The following MYO6 variants were observed in gnomAD, a reference collection of about 807,000 sequenced individuals.
MYO6 encodes the protein myosin VI, also known as unconventional myosin-VI.
In MYO6, 74 loss-of-function variants were observed where a neutral mutation model predicts 178.7. That is an observed-to-expected ratio of 0.41 (90% CI 0.34 to 0.50). The LOEUF is 0.50. MYO6 is among the 20% of genes least tolerant of loss of function. The pLI is 0.09. For missense variants in MYO6, 1,330 were observed against 1,547.4 expected (o/e 0.86, Z 2.36); for synonymous variants, 477 against 504.6 (o/e 0.95, Z 0.73).
intron 33 of MYO6, among the ~76,000 whole-genome samples, chr6:75,913,736 T>TTACTGTGAG (rs1780942144): frequency 6.6e-6 from 1 of 151,700 alleles, no homozygotes; most frequent in Admixed American, 6.6e-5. Context: ...TAGTAGTTTG[T>TTACTGTGAG]TTTCCTGCCG....
chr6:75,779,685 C>G (rs1766764650), intron 1 of MYO6, among the ~76,000 whole-genome samples: 1 of 151,908 alleles, frequency 6.6e-6, no homozygotes, highest in African/African-American at 2.4e-5. Flanking sequence ...AATTCTTTTT[C>G]TATGGCTGTT....
At chr6:75,800,703 A>G (rs1205684277) in intron 1 of MYO6, among the ~76,000 whole-genome samples, 1 of 152,094 alleles carries the variant, frequency 6.6e-6, no homozygotes, top group East Asian at 1.9e-4. Flanking sequence ...GAGAGGTATA[A>G]GTTGGAGATA....
At chr6:75,803,498 C>T (rs547440777) in intron 1 of MYO6, among the ~76,000 whole-genome samples, 4 of 152,164 alleles carry the variant, frequency 2.6e-5, no homozygotes, top group African/African-American at 9.6e-5. Context: ...GGTGTCATAG[C>T]TGGAATGGAC....
intron 1 of MYO6, among the ~76,000 whole-genome samples, chr6:75,771,159 G>A (rs1385135237): frequency 6.6e-6 from 1 of 151,828 alleles, no homozygotes; most frequent in African/African-American, 2.4e-5. Context: ...ATGCCACCGC[G>A]CCTGGCTAAT....
intron 16 of MYO6, among the ~76,000 whole-genome samples, chr6:75,863,449 G>T (rs1266997591): frequency 1.3e-5 from 2 of 151,866 alleles, no homozygotes; most frequent in Non-Finnish European, 2.9e-5. Context: ...CAAATGAGAG[G>T]TGCACTCTAA....
intron 18 of MYO6, chr6:75,867,573 A>G (rs965629625): frequency 6.4e-6 from 1 of 157,134 alleles, no homozygotes; most frequent in Non-Finnish European, 1.4e-5. Context: ...CTGCCATGTT[A>G]AAAAGAGCCC....
chr6:75,844,236 C>G (rs1309675794), intron 9 of MYO6, among the ~76,000 whole-genome samples: 1 of 151,980 alleles, frequency 6.6e-6, no homozygotes, highest in African/African-American at 2.4e-5. Context: ...AGTAGATTTT[C>G]TTTTTTTGAA....
chr6:75,826,682 T>G lies in MYO6; in HGVS notation c.188-1858T>G, dbSNP rs574099730. On this transcript the variant is annotated intron_variant, in intron 3 of 34. Coordinates refer to ENST00000369977, the MANE Select transcript of MYO6 (RefSeq NM_004999.4). ...TACCCAAACCAGATATATTAATACC[T>G]CTGCTGCCTAACCCTCTCTATATCC... is the stretch of plus-strand genomic sequence containing the variant. Among the ~76,000 whole-genome samples, 15 of 152,270 alleles carry G rather than the reference T, an allele frequency of 9.9e-5. No individual in the cohort carries two copies. The South Asian group carries it at 3.1e-3, about 32-fold the overall frequency.
chr6:75,826,418 A>G (rs534377791), intron 3 of MYO6, among the ~76,000 whole-genome samples: 3 of 152,306 alleles, frequency 2.0e-5, no homozygotes, highest in South Asian at 4.2e-4. Flanking sequence ...GCAAGTAGTA[A>G]TTCCCATGTC....
intron 1 of MYO6, among the ~76,000 whole-genome samples, chr6:75,801,974 A>G (rs1769509999): frequency 1.3e-5 from 2 of 152,126 alleles, no homozygotes; most frequent in African/African-American, 2.4e-5. Flanking sequence ...ATCTTATAGA[A>G]TATCTGAATA....
At position 75,907,781 on chromosome 6, in the gene MYO6, G is replaced by C; in HGVS notation, c.3280+73G>C. ...GTGATAAATACCTAGATTAGGGTGA[G>C]GTGTGTGTGTGTATGTGTGTGTGTG... On this transcript the variant is annotated intron_variant, in intron 31 of 34. Transcript: ENST00000369977. 5.8e-6 allele frequency: 6 copies of C among 1,035,534 alleles called. No individual in the cohort carries two copies. The South Asian group carries it at 7.8e-5, about 13-fold the overall frequency. The allele number at this position is 1,035,534 out of a possible 1,614,324, so 64.1% of individuals were successfully genotyped here.
At chr6:75,875,392 A>G (rs1777495056) in intron 20 of MYO6, among the ~76,000 whole-genome samples, 1 of 152,084 alleles carries the variant, frequency 6.6e-6, no homozygotes, top group Non-Finnish European at 1.5e-5. Context: ...CTTCTGCTTC[A>G]GCCTCTCAAG....
At chr6:75,850,811 T>C (rs952278910) in intron 11 of MYO6, among the ~76,000 whole-genome samples, 2 of 152,180 alleles carry the variant, frequency 1.3e-5, no homozygotes, top group African/African-American at 2.4e-5. Flanking sequence ...ATGATTTGAG[T>C]ACTTGTGTCT....
rs530425108 is a variant in MYO6, at chr6:75,876,041, T to C, written c.2077+2741T>C. ...CTGACTTTCATTTTCATTCCCTAAA[T>C]GCTGCATATTTCCTCCCAGCACAGG... On this transcript the variant is annotated intron_variant, in intron 20 of 34. Transcript: ENST00000369977. 2.0e-5 allele frequency among the ~76,000 whole-genome samples: 3 copies of C among 152,266 alleles called. No individual in the cohort carries two copies. In the South Asian group the frequency reaches 6.2e-4, roughly 32 times the overall value.
intron 7 of MYO6, among the ~76,000 whole-genome samples, chr6:75,838,414 T>G (rs1433479840): frequency 1.3e-5 from 2 of 152,142 alleles, no homozygotes; most frequent in African/African-American, 4.8e-5. Context: ...CGTCTTTTGA[T>G]CCCATCCTTA....
At chr6:75,763,086 G>C (rs1778093098) in intron 1 of MYO6, among the ~76,000 whole-genome samples, 2 of 151,188 alleles carry the variant, frequency 1.3e-5, no homozygotes, top group Admixed American at 1.3e-4. Flanking sequence ...GAGTGCAGTG[G>C]CATGATCTCG....
At chr6:75,877,519 G>A (rs1409431820) in intron 20 of MYO6, among the ~76,000 whole-genome samples, 2 of 151,906 alleles carry the variant, frequency 1.3e-5, no homozygotes, top group Non-Finnish European at 2.9e-5. Flanking sequence ...TGTTTGCCTC[G>A]GCCTCCTGAA....
At chr6:75,880,643 T>G (rs1028170071) in intron 22 of MYO6, among the ~76,000 whole-genome samples, 1 of 152,232 alleles carries the variant, frequency 6.6e-6, no homozygotes, top group Non-Finnish European at 1.5e-5. Flanking sequence ...AATAGTCTCA[T>G]AGAGAAAGCA....
In MYO6 at chr6:75,908,643, T is replaced by C. The variant is rs774617735; in HGVS notation, c.3412+16T>C. ...ACTGATTATGGTAAAGAGAAATCTGTACTTTTGAACGTTTTAAAATATATG... is the reference window on the plus strand; with the variant it reads ...ACTGATTATGGTAAAGAGAAATCTGCACTTTTGAACGTTTTAAAATATATG... On this transcript the variant is annotated intron_variant, in intron 32 of 34. Transcript: ENST00000369977. 6.2e-7 allele frequency: 1 copy of C among 1,612,656 alleles called. No homozygotes were observed. The highest frequency in any genetic ancestry group is 8.5e-7 in the Non-Finnish European group (1 of 1,178,898).
Sources: allele counts gnomAD v4.1 joint callset (sites outside exome capture counted in the v4.1 genomes callset), GRCh38; gene constraint gnomAD v4.1.1; transcripts MANE v1.5; gene names NCBI Gene and HGNC (gene_info 2026-07-23, HGNC 2026-07-21).